The following CLVS1 variants were observed in gnomAD, a reference collection of about 807,000 sequenced individuals.
CLVS1 encodes the protein clavesin-1.
In CLVS1, 10 loss-of-function variants were observed where a neutral mutation model predicts 33.1. The ratio of observed to expected loss-of-function variants is 0.30; its 90% CI spans 0.19 to 0.51. CLVS1 has a LOEUF of 0.51. Ranked by LOEUF, CLVS1 falls within the 20% of genes least tolerant of loss-of-function variation. The pLI is 0.97. For synonymous variants in CLVS1, 163 were observed against 166.1 expected (o/e 0.98, Z 0.14); for missense variants, 343 against 433.4 (o/e 0.79, Z 1.85).
At chr8:61,149,037 T>C (rs1171179774) in intron 2 of CLVS1, among the ~76,000 whole-genome samples, 2 of 152,162 alleles carry the variant, frequency 1.3e-5, no homozygotes. Flanking sequence ...CCCATTTAAT[T>C]TCTGCTATAA....
intron 2 of CLVS1, among the ~76,000 whole-genome samples, chr8:61,141,098 G>A (rs763189585): frequency 6.6e-6 from 1 of 152,166 alleles, no homozygotes. Context: ...CTAAATGGGT[G>A]TAATAATGGT....
At chr8:61,086,254 G>C (rs1344393572) in intron 1 of CLVS1, among the ~76,000 whole-genome samples, 1 of 147,888 alleles carries the variant, frequency 6.8e-6, no homozygotes, top group Non-Finnish European at 1.5e-5. Flanking sequence ...TAAATAAAAT[G>C]CATGACCTTA....
At chr8:61,113,926 C>A (rs1186439070) in intron 1 of CLVS1, among the ~76,000 whole-genome samples, 1 of 152,218 alleles carries the variant, frequency 6.6e-6, no homozygotes, top group Admixed American at 6.5e-5. Flanking sequence ...AGCCACTGCA[C>A]CTGGCCCTGG....
At chr8:61,178,563 A>C (rs1357727600) in intron 2 of CLVS1, among the ~76,000 whole-genome samples, 1 of 152,204 alleles carries the variant, frequency 6.6e-6, no homozygotes, top group Admixed American at 6.5e-5. Context: ...TCCACGGTTG[A>C]AATGAAGGAA....
intron 1 of CLVS1, among the ~76,000 whole-genome samples, chr8:61,075,275 C>A (rs1377525485): frequency 6.6e-6 from 1 of 152,092 alleles, no homozygotes; most frequent in Non-Finnish European, 1.5e-5. Flanking sequence ...CCCCAGAGGC[C>A]ATTCATTTCT....
At chr8:61,149,636 T>C (rs1048048648) in intron 2 of CLVS1, among the ~76,000 whole-genome samples, 7 of 150,016 alleles carry the variant, frequency 4.7e-5, no homozygotes, top group African/African-American at 1.5e-4. Context: ...TGAATTCCAA[T>C]GCAGAAAAGT....
At chr8:61,325,414 C>A in intron 2 of CLVS1, among the ~76,000 whole-genome samples, 1 of 152,216 alleles carries the variant, frequency 6.6e-6, no homozygotes, top group Middle Eastern at 3.4e-3. Flanking sequence ...ACATTGAAGG[C>A]CCAGAAGGCT....
intron 3 of CLVS1, among the ~76,000 whole-genome samples, chr8:61,419,619 C>T (rs546443364): frequency 2.6e-5 from 4 of 152,296 alleles, no homozygotes; most frequent in Non-Finnish European, 5.9e-5. Context: ...TCTCCTTTAC[C>T]TTTTGACATT....
the CLVS1 span, among the ~76,000 whole-genome samples, chr8:60,990,074 G>A: frequency 6.6e-5 from 9 of 136,804 alleles, no homozygotes; most frequent in East Asian, 2.4e-4. Flanking sequence ...GCAGTGAGCC[G>A]AGATCGCGTC....
intron 2 of CLVS1, among the ~76,000 whole-genome samples, chr8:61,218,616 G>T (rs1012475147): frequency 2.1e-5 from 3 of 143,158 alleles, no homozygotes; most frequent in Non-Finnish European, 4.5e-5. Context: ...CCATGAATAT[G>T]TATAATTATT....
chr8:61,175,398 T>C (rs1007020084), intron 2 of CLVS1, among the ~76,000 whole-genome samples: 1 of 152,222 alleles, frequency 6.6e-6, no homozygotes, highest in Admixed American at 6.5e-5. Flanking sequence ...TGTTGGCACC[T>C]TGACCTTGGA....
At position 61,068,358 on chromosome 8, in the gene CLVS1, G is replaced by C. The variant is rs112319770; in HGVS notation, c.-243+11128G>C. On this transcript the variant is annotated intron_variant, in intron 1 of 2. Coordinates refer to the CLVS1 transcript ENST00000522621. ...TCACTATGGCTAAGACTCCAGGGCG[G>C]GAGAGCTGTGTGAGTTAGGCCCACT... Among the ~76,000 whole-genome samples, 1,269 of 151,578 alleles carry C rather than the reference G, an allele frequency of 8.4e-3. 17 individuals are homozygous for C. Among genetic ancestry groups the C allele is most frequent in the African/African-American group, 0.029 (1,206 of 41,230 alleles).
chr8:61,076,047 G>T (rs1804904104), intron 1 of CLVS1, among the ~76,000 whole-genome samples: 1 of 152,178 alleles, frequency 6.6e-6, no homozygotes, highest in South Asian at 2.1e-4. Flanking sequence ...AACTCATCAT[G>T]AAATGAAACA....
In CLVS1 at chr8:61,454,269, A is replaced by G. The variant is rs753715043; in HGVS notation, c.741+18A>G. The G allele has an allele frequency of 3.2e-6, 5 of 1,544,694 alleles. No homozygotes were observed. The highest frequency in any genetic ancestry group is 2.2e-5 in the South Asian group (2 of 89,640). ...GGAAACGGGTAATGAAAACAAATGC[A>G]TCATGTAAATTCCTGGTACAATTTT... On this transcript the variant is annotated intron_variant, in intron 4 of 5. Coordinates refer to ENST00000325897, the MANE Select transcript of CLVS1 (RefSeq NM_173519.3).
chr8:61,499,606 C>A lies in CLVS1; in HGVS notation c.*64C>A. On this transcript the variant is annotated 3_prime_UTR_variant, in exon 6 of 6. Transcript: ENST00000325897. Reference sequence around the variant, plus strand: ...AGTGGTATCAGCCACCCAGGAAGCACATGCACAACTGACCCATGCAGACAC... The same window carrying A: ...AGTGGTATCAGCCACCCAGGAAGCAAATGCACAACTGACCCATGCAGACAC... The A allele has an allele frequency of 8.3e-7, 1 of 1,199,798 alleles. No homozygotes were observed. Among genetic ancestry groups the A allele is most frequent in the Non-Finnish European group, 1.2e-6 (1 of 805,490 alleles). The allele number at this position is 1,199,798 out of a possible 1,614,324, so 74.3% of individuals were successfully genotyped here.
intron 3 of CLVS1, chr8:61,391,296 T>G (rs888715729): frequency 1.3e-5 from 2 of 152,190 alleles, no homozygotes; most frequent in East Asian, 1.9e-4. Context: ...CAGCAACTAT[T>G]TATTCAACTT....
chr8:61,086,824 A>C (rs1216702072), intron 1 of CLVS1, among the ~76,000 whole-genome samples: 1 of 152,226 alleles, frequency 6.6e-6, no homozygotes, highest in African/African-American at 2.4e-5. Context: ...TAATCCTAAC[A>C]GTAAAGGCAA....
At chr8:61,497,123 G>C (rs1272948631) in intron 5 of CLVS1, among the ~76,000 whole-genome samples, 1 of 152,028 alleles carries the variant, frequency 6.6e-6, no homozygotes, top group Non-Finnish European at 1.5e-5. Flanking sequence ...TGTGTTGAGG[G>C]GGTCCTCAAG....
At chr8:61,469,528 A>G (rs1817665833) in intron 5 of CLVS1, among the ~76,000 whole-genome samples, 1 of 152,214 alleles carries the variant, frequency 6.6e-6, no homozygotes, top group Non-Finnish European at 1.5e-5. Flanking sequence ...CCTGGGTAGT[A>G]AAAGTCACCT....
Sources: gnomAD v4.1 joint callset for allele counts (sites outside exome capture counted in the v4.1 genomes callset) on GRCh38, gnomAD v4.1.1 for gene constraint, MANE v1.5 for transcripts, NCBI Gene and HGNC (gene_info 2026-07-23, HGNC 2026-07-21) for gene names.